The following EMSY variants were observed in gnomAD, a reference collection of about 807,000 sequenced individuals.
The protein encoded by EMSY is EMSY transcriptional repressor, BRCA2 interacting.
In EMSY, 26 loss-of-function variants were observed where a neutral mutation model predicts 134.6. The ratio of observed to expected loss-of-function variants is 0.19; its 90% CI spans 0.14 to 0.27. The LOEUF (loss-of-function observed/expected upper bound fraction) is 0.27. Ranked by LOEUF, EMSY falls within the 10% of genes least tolerant of loss-of-function variation. The probability of loss-of-function intolerance (pLI) is 1.00; values close to 1 mark genes in which losing one functional copy is unlikely to be tolerated. For synonymous variants in EMSY, 579 were observed against 577.8 expected (o/e 1.00, Z -0.03); for missense variants, 1,305 against 1,611.4 (o/e 0.81, Z 3.26).
chr11:76,513,284 C>G, intron 9 of EMSY, 102 bp from the exon 11 acceptor site: 1 of 1,080,802 alleles, frequency 9.3e-7, no homozygotes, highest in Non-Finnish European at 1.2e-6. Flanking sequence ...TCTCTTTAGA[C>G]AAGACTGAGT....
chr11:76,508,357 A>G (rs1427009546), intron 9 of EMSY, among the ~76,000 whole-genome samples: 1 of 128,874 alleles, frequency 7.8e-6, no homozygotes, highest in African/African-American at 2.8e-5. Context: ...TTTTTTTTTT[A>G]TGAGCAGTAG....
exon 13 of EMSY, chr11:76,526,564 G>T (rs755767445): frequency 6.2e-7 from 1 of 1,613,806 alleles, no homozygotes; most frequent in South Asian, 1.1e-5. Context: ...AAAAGGAATA[G>T]GTTCTACAGT....
intron 2 of EMSY, among the ~76,000 whole-genome samples, chr11:76,449,008 G>A (rs1947540790): frequency 6.6e-6 from 1 of 152,038 alleles, no homozygotes; most frequent in Non-Finnish European, 1.5e-5. Flanking sequence ...TCATTCCTGA[G>A]CTGTAGCTCC....
intron 2 of EMSY, 62 bp downstream of exon 2, chr11:76,447,070 G>C: frequency 6.6e-7 from 1 of 1,508,762 alleles, no homozygotes; most frequent in Admixed American, 1.7e-5. Flanking sequence ...TTCTGCCTAG[G>C]TCATAGCTGT....
At chr11:76,546,543 A>G (rs1277209854) in intron 20 of EMSY, among the ~76,000 whole-genome samples, 2 of 152,230 alleles carry the variant, frequency 1.3e-5, no homozygotes, top group Admixed American at 6.5e-5. Context: ...AAGGCAATAA[A>G]GAGCCCATGT....
intron 20 of EMSY, 69 bp from the exon 22 acceptor site, chr11:76,549,883 G>GTTT: frequency 1.9e-6 from 2 of 1,030,090 alleles, no homozygotes; most frequent in Non-Finnish European, 2.7e-6. Flanking sequence ...TTTTTTTCTT[G>GTTT]ATATTGTTGG....
chr11:76,505,319 C>G (rs1950028524), intron 9 of EMSY, among the ~76,000 whole-genome samples: 1 of 150,944 alleles, frequency 6.6e-6, no homozygotes, highest in Non-Finnish European at 1.5e-5. Context: ...CTTCAGCCTC[C>G]CAAGTAGCTG....
intron 12 of EMSY, among the ~76,000 whole-genome samples, chr11:76,524,053 C>T (rs990797071): frequency 6.6e-6 from 1 of 151,846 alleles, no homozygotes; most frequent in African/African-American, 2.4e-5. Flanking sequence ...TTGCCTCAAA[C>T]AAAAAATAAA....
chr11:76,466,068 T>C (rs890086138), intron 7 of EMSY, among the ~76,000 whole-genome samples: 1 of 152,198 alleles, frequency 6.6e-6, no homozygotes, highest in Non-Finnish European at 1.5e-5. Flanking sequence ...ATTCATGATA[T>C]ATATACTTTA....
intron 11 of EMSY, 35 bp from the exon 13 acceptor site, chr11:76,523,120 T>G: frequency 1.9e-6 from 3 of 1,588,162 alleles, no homozygotes; most frequent in African/African-American, 1.4e-5. Context: ...CTCTAGTCCT[T>G]AACTCAGGCC....
At chr11:76,549,848 CA>C in intron 20 of EMSY, 103 bp from the exon 22 acceptor site, 1 of 1,104,974 alleles carries the variant, frequency 9.0e-7, no homozygotes, top group Non-Finnish European at 1.3e-6. Flanking sequence ...TCCAGTTGTC[CA>C]AAAAATGTCA....
intron 4 of EMSY, among the ~76,000 whole-genome samples, chr11:76,457,608 A>G (rs766538695): frequency 1.3e-5 from 2 of 152,184 alleles, no homozygotes; most frequent in Admixed American, 6.5e-5. Context: ...ATAACAATAC[A>G]TTGTCAGTGA....
At chr11:76,523,254 C>A (rs147127421) in exon 12 of EMSY, 2 of 1,613,200 alleles carry the variant, frequency 1.2e-6, no homozygotes, top group Middle Eastern at 1.6e-4. Flanking sequence ...CAAGGCCTCC[C>A]GGGCAAAAAT....
At chr11:76,526,106 C>G (rs779919409) in intron 12 of EMSY, among the ~76,000 whole-genome samples, 1 of 152,042 alleles carries the variant, frequency 6.6e-6, no homozygotes, top group African/African-American at 2.4e-5. Context: ...AATCCCAATT[C>G]TTAGAGACAA....
chr11:76,507,865 C>CTTTTT (rs55756987), intron 9 of EMSY, among the ~76,000 whole-genome samples: 55 of 118,588 alleles, frequency 4.6e-4, no homozygotes, highest in Non-Finnish European at 7.0e-4. Context: ...TTTTCTTTTT[C>CTTTTT]TTTTTTTTTT....
chr11:76,475,193 C>G (rs1047186562), intron 8 of EMSY, among the ~76,000 whole-genome samples: 2 of 152,168 alleles, frequency 1.3e-5, no homozygotes, highest in African/African-American at 4.8e-5. Flanking sequence ...CTCGACTGAT[C>G]CGTGTATCAA....
chr11:76,480,239 T>C (rs1409047036), intron 8 of EMSY, among the ~76,000 whole-genome samples: 1 of 152,160 alleles, frequency 6.6e-6, no homozygotes, highest in Non-Finnish European at 1.5e-5. Flanking sequence ...ATAACTGGGA[T>C]GGGATGTGGT....
chr11:76,446,870 T>C (rs887267644), intron 1 of EMSY, 30 bp from the exon 2 acceptor site: 3 of 1,501,998 alleles, frequency 2.0e-6, no homozygotes, highest in Non-Finnish European at 2.7e-6. Context: ...GGTACTTTGG[T>C]AATTTGACTT....
At chr11:76,550,182 G>C in exon 21 of EMSY, 1 of 1,496,086 alleles carries the variant, frequency 6.7e-7, no homozygotes, top group East Asian at 2.4e-5. Flanking sequence ...AAACCTGCTT[G>C]GTTACCAAGT....
Sources: allele counts gnomAD v4.1 joint callset (sites outside exome capture counted in the v4.1 genomes callset), GRCh38; gene constraint gnomAD v4.1.1; transcripts MANE v1.5; gene names NCBI Gene and HGNC (gene_info 2026-07-23, HGNC 2026-07-21).